RANBP2: variants seen among roughly 807,000 people sequenced by gnomAD.
The protein encoded by RANBP2 is RAN binding protein 2.
A neutral mutation model predicts 303.6 loss-of-function variants in RANBP2; 57 were observed. The observed-to-expected ratio is 0.19, with a 90% CI of 0.15 to 0.23. RANBP2 has a LOEUF of 0.23. Among genes scored for constraint, RANBP2 ranks in the 10% least tolerant of loss-of-function variants. The probability of loss-of-function intolerance (pLI) is 1.00; values close to 1 mark genes in which losing one functional copy is unlikely to be tolerated. For missense variants in RANBP2, 3,138 were observed against 3,780.8 expected (o/e 0.83, Z 4.46); for synonymous variants, 1,167 against 1,301.5 (o/e 0.90, Z 2.23).
the RANBP2 span, among the ~76,000 whole-genome samples, chr2:109,719,810 G>A: frequency 6.6e-6 from 1 of 152,266 alleles, no homozygotes; most frequent in Admixed American, 6.5e-5. Context: ...CTTTTCATAA[G>A]CATCGACCAA....
the RANBP2 span, among the ~76,000 whole-genome samples, chr2:109,394,859 C>T: frequency 6.6e-6 from 1 of 152,198 alleles, no homozygotes; most frequent in African/African-American, 2.4e-5. Flanking sequence ...GACGAGTCTG[C>T]ACCAACTTGC....
At chr2:109,249,503 TTCTTTCATTC>T in the RANBP2 span, among the ~76,000 whole-genome samples, 1 of 31,454 alleles carries the variant, frequency 3.2e-5, no homozygotes, top group Non-Finnish European at 5.4e-5. Flanking sequence ...CTTTCTTTCT[TTCTTTCATTC>T]TTTCTTTTTC....
the RANBP2 span, among the ~76,000 whole-genome samples, chr2:109,513,716 G>A: frequency 6.6e-6 from 1 of 152,326 alleles, no homozygotes; most frequent in Admixed American, 6.5e-5. Context: ...ACAAGGGAAG[G>A]AGGGAGGTGG....
the RANBP2 span, among the ~76,000 whole-genome samples, chr2:109,362,559 T>A: frequency 3.3e-5 from 5 of 152,198 alleles, no homozygotes; most frequent in Non-Finnish European, 5.9e-5. Context: ...TGAGATATTA[T>A]GTGGATGTCA....
At chr2:108,903,885 A>T in the RANBP2 span, among the ~76,000 whole-genome samples, 2 of 152,220 alleles carry the variant, frequency 1.3e-5, no homozygotes, top group African/African-American at 4.8e-5. Context: ...ATCTAGGACT[A>T]GGCAAGAGAG....
the RANBP2 span, chr2:108,910,418 C>T: frequency 3.2e-6 from 5 of 1,538,686 alleles, no homozygotes; most frequent in Non-Finnish European, 4.5e-6. Flanking sequence ...TCAGGATCCA[C>T]AGGACCCCAG....
At chr2:109,634,130 AAAAAAAAAAAAAAAAAG>A in the RANBP2 span, among the ~76,000 whole-genome samples, 1 of 150,120 alleles carries the variant, frequency 6.7e-6, no homozygotes, top group African/African-American at 2.4e-5. Context: ...AAAAAAAAAA[AAAAAAAAAAAAAAAAAG>A]AAAAGAAAAA....
chr2:109,675,352 G>A, the RANBP2 span, among the ~76,000 whole-genome samples: 38 of 152,316 alleles, frequency 2.5e-4, no homozygotes, highest in African/African-American at 8.7e-4. Context: ...AATCGAATCC[G>A]CAGAGGCAGA....
rs558186975 is a variant in RANBP2 at position 108,764,546 on chromosome 2, A to C, written c.4007A>C (p.Lys1336Thr). ...PTSHDNKDIC[K>T]SDAGNLNFEF... ...AGTCATGATAACAAGGATATTTGCAAATCTGATGCTGGAAACCTGAATTTT... is the reference window on the plus strand; with the variant it reads ...AGTCATGATAACAAGGATATTTGCACATCTGATGCTGGAAACCTGAATTTT... Residue 1336 changes from lysine to threonine, a missense_variant, in exon 20 of 29, where the codon AAA becomes ACA. Physicochemically the swap from Lys to Thr is moderately conservative, Grantham distance 78. Around this residue, in one of 20 missense-constraint regions of RANBP2, gnomAD observed 388 missense variants for 328.5 expected, o/e 1.18. Transcript: ENST00000283195. The C allele has an allele frequency of 1.2e-6, 2 of 1,614,010 alleles. No individual in the cohort carries two copies. The highest frequency in any genetic ancestry group is 1.1e-5 in the South Asian group (1 of 91,066).
the RANBP2 span, among the ~76,000 whole-genome samples, chr2:109,602,785 C>T: frequency 6.7e-6 from 1 of 149,576 alleles, no homozygotes; most frequent in Non-Finnish European, 1.5e-5. Flanking sequence ...TTTGAGAAGT[C>T]ATTTATTTAG....
At chr2:109,602,680 TAAA>T in the RANBP2 span, among the ~76,000 whole-genome samples, 5 of 95,064 alleles carry the variant, frequency 5.3e-5, no homozygotes, top group East Asian at 2.8e-4. Flanking sequence ...CATCTCAAAT[TAAA>T]AAAAAAAAAA....
chr2:109,215,724 T>G, the RANBP2 span, among the ~76,000 whole-genome samples: 1 of 152,204 alleles, frequency 6.6e-6, no homozygotes, highest in Non-Finnish European at 1.5e-5. Context: ...CCCTGTGAAC[T>G]GCCACTGCTA....
chr2:108,820,699 CAAA>C, the RANBP2 span, among the ~76,000 whole-genome samples: 1 of 62,588 alleles, frequency 1.6e-5, no homozygotes, highest in Non-Finnish European at 3.4e-5. Flanking sequence ...ATTCAAAGTG[CAAA>C]AAAAAAAAAA....
chr2:109,772,239 TTTCTAGCCCTTGATATGTTTATA>T, the RANBP2 span, among the ~76,000 whole-genome samples: 1 of 110,662 alleles, frequency 9.0e-6, no homozygotes, highest in South Asian at 3.6e-4. Flanking sequence ...AGAGACCACA[TTTCTAGCCCTTGATATGTTTATA>T]TTTTAGCCTG....
At chr2:108,923,245 C>T in the RANBP2 span, 2 of 946,366 alleles carry the variant, frequency 2.1e-6, no homozygotes, top group East Asian at 2.4e-5. Context: ...AGCACTTTCA[C>T]TAGTGCTGTT....
chr2:109,336,942 T>C, the RANBP2 span, among the ~76,000 whole-genome samples: 3 of 152,142 alleles, frequency 2.0e-5, no homozygotes, highest in African/African-American at 7.2e-5. Context: ...CAGACCATCA[T>C]CCTCTGTGGG....
the RANBP2 span, among the ~76,000 whole-genome samples, chr2:109,761,664 A>C: frequency 1.4e-5 from 2 of 144,288 alleles, no homozygotes; most frequent in African/African-American, 2.6e-5. Context: ...ACCCGCCACT[A>C]TCTCTTAAAT....
chr2:109,364,304 A>C, the RANBP2 span, among the ~76,000 whole-genome samples: 1 of 152,070 alleles, frequency 6.6e-6, no homozygotes, highest in African/African-American at 2.4e-5. Flanking sequence ...TTTCTGCTAC[A>C]GGGTTTTTGA....
At chr2:109,250,964 A>C in the RANBP2 span, among the ~76,000 whole-genome samples, 3 of 152,030 alleles carry the variant, frequency 2.0e-5, no homozygotes, top group African/African-American at 4.8e-5. Flanking sequence ...TATACATTGC[A>C]TTCTGTATAG....
Sources: allele counts gnomAD v4.1 joint callset (sites outside exome capture counted in the v4.1 genomes callset), GRCh38; gene constraint gnomAD v4.1.1; regional missense constraint gnomAD v4.1.1; transcripts MANE v1.5; gene names NCBI Gene and HGNC (gene_info 2026-07-23, HGNC 2026-07-21).